SLC22A23: variants seen among roughly 807,000 people sequenced by gnomAD.
SLC22A23 encodes solute carrier family 22 member 23.
In SLC22A23, 26 loss-of-function variants were observed where a neutral mutation model predicts 61.0. The ratio of observed to expected loss-of-function variants is 0.43; its 90% CI spans 0.31 to 0.59. SLC22A23 has a LOEUF of 0.59. Among genes scored for constraint, SLC22A23 ranks in the 20% least tolerant of loss-of-function variants. The pLI, the probability that SLC22A23 is intolerant of heterozygous loss-of-function variation, is 0.11. For missense variants in SLC22A23, 796 were observed against 934.7 expected, an observed-to-expected ratio of 0.85 and a Z score of 1.94; for synonymous variants, 430 against 413.9, an observed-to-expected ratio of 1.04 and a Z score of -0.47.
At position 3,361,151 on chromosome 6, in the gene SLC22A23, G is replaced by T. The variant is rs1765417261; in HGVS notation, c.914-37149C>A. On this transcript the variant is annotated intron_variant, in intron 3 of 9. Transcript: ENST00000406686. ...CTTAGATCAGGGTTTCTCCCCCAAA[G>T]GAGCCTGCAGCAGTGTCACACAGAA... 2.7e-5 allele frequency among the ~76,000 whole-genome samples: 4 copies of T among 148,760 alleles called. No homozygotes were observed. The Admixed American group carries it at 2.7e-4, about 10-fold the overall frequency.
intron 1 of SLC22A23, among the ~76,000 whole-genome samples, chr6:3,416,782 G>A (rs1027019089): frequency 6.6e-6 from 1 of 152,222 alleles, no homozygotes; most frequent in Admixed American, 6.5e-5. Flanking sequence ...TGGTCTGGAC[G>A]CGCAACTCCA....
intron 1 of SLC22A23, among the ~76,000 whole-genome samples, chr6:3,436,362 C>T (rs889269683): frequency 3.3e-5 from 5 of 152,160 alleles, no homozygotes; most frequent in South Asian, 2.1e-4. Context: ...TCTCAAACTC[C>T]TGACCTCAGG....
intron 3 of SLC22A23, among the ~76,000 whole-genome samples, chr6:3,358,273 T>C (rs1359221361): frequency 6.9e-6 from 1 of 145,738 alleles, no homozygotes; most frequent in East Asian, 2.0e-4. Context: ...ACGTGAGCGC[T>C]CCCACGTTCA....
intron 3 of SLC22A23, among the ~76,000 whole-genome samples, chr6:3,332,713 T>G (rs985232256): frequency 3.3e-5 from 5 of 152,204 alleles, no homozygotes; most frequent in African/African-American, 1.2e-4. Flanking sequence ...TTCTTTAATA[T>G]TATTCAATAT....
intron 4 of SLC22A23, among the ~76,000 whole-genome samples, chr6:3,316,911 G>C (rs1762677398): frequency 6.6e-6 from 1 of 152,118 alleles, no homozygotes; most frequent in African/African-American, 2.4e-5. Context: ...ACCATGCCCA[G>C]CTGCAAATTT....
intron 1 of SLC22A23, among the ~76,000 whole-genome samples, chr6:3,448,393 G>T (rs1298044827): frequency 6.6e-6 from 1 of 152,228 alleles, no homozygotes; most frequent in Non-Finnish European, 1.5e-5. Flanking sequence ...GACACGTGCA[G>T]CAGGCTCAGA....
At chr6:3,363,293 A>C (rs1267941020) in intron 3 of SLC22A23, among the ~76,000 whole-genome samples, 4 of 152,350 alleles carry the variant, frequency 2.6e-5, no homozygotes, top group African/African-American at 9.6e-5. Flanking sequence ...CTCCGGCAGC[A>C]CAGCACATGT....
At chr6:3,417,373 A>C (rs1009930969) in intron 1 of SLC22A23, among the ~76,000 whole-genome samples, 11 of 152,206 alleles carry the variant, frequency 7.2e-5, no homozygotes, top group Non-Finnish European at 1.5e-4. Flanking sequence ...TGGGAATGTA[A>C]GCACAGACTG....
At chr6:3,298,754 T>C (rs1761339528) in intron 4 of SLC22A23, among the ~76,000 whole-genome samples, 2 of 151,760 alleles carry the variant, frequency 1.3e-5, no homozygotes, top group Non-Finnish European at 2.9e-5. Context: ...GGGTGGATCA[T>C]GAGGTCAGGA....
chr6:3,436,548 C>T (rs1771225104), intron 1 of SLC22A23, among the ~76,000 whole-genome samples: 1 of 152,206 alleles, frequency 6.6e-6, no homozygotes, highest in African/African-American at 2.4e-5. Flanking sequence ...TTCTCTCCTC[C>T]TAACTGAAAT....
chr6:3,369,240 T>TA (rs940106447), intron 3 of SLC22A23, among the ~76,000 whole-genome samples: 4 of 151,788 alleles, frequency 2.6e-5, no homozygotes, highest in African/African-American at 4.8e-5. Context: ...TCTAAAGGGT[T>TA]AAAAAAAATG....
chr6:3,393,776 G>A (rs1395417982), intron 3 of SLC22A23, among the ~76,000 whole-genome samples: 1 of 152,192 alleles, frequency 6.6e-6, no homozygotes, highest in Non-Finnish European at 1.5e-5. Flanking sequence ...GCTTCTCAGC[G>A]GGTAATTATT....
rs370748139 is a variant in SLC22A23, at chr6:3,296,199, G to A, written c.1210+1892C>T. ...GAAATCTGGGAAAGCCATCTGGACCGTCCAAAACGAGCAAGCATGGCCCCG... is the reference window on the plus strand; with the variant it reads ...GAAATCTGGGAAAGCCATCTGGACCATCCAAAACGAGCAAGCATGGCCCCG... On this transcript the variant is annotated intron_variant, in intron 5 of 9. Transcript: ENST00000406686. 1.0e-3 allele frequency among the ~76,000 whole-genome samples: 157 copies of A among 152,316 alleles called. 4 individuals are homozygous for A. The highest frequency in any genetic ancestry group is 3.6e-3 in the African/African-American group (150 of 41,560).
intron 3 of SLC22A23, among the ~76,000 whole-genome samples, chr6:3,385,911 AT>A (rs971129072): frequency 2.0e-5 from 3 of 152,064 alleles, no homozygotes; most frequent in African/African-American, 4.8e-5. Flanking sequence ...TGGTCATCTC[AT>A]TTTTTTTCAC....
rs539892212 is a variant in SLC22A23 at position 3,340,069 on chromosome 6, C to T, written c.914-16067G>A. On this transcript the variant is annotated intron_variant, in intron 3 of 9. Coordinates refer to ENST00000406686, the MANE Select transcript of SLC22A23 (RefSeq NM_015482.2). ...GAATACAGCTTCCCTCCTCTCCTCT[C>T]CCCACAGGGGAGGTGCTTCCTAGCC... 1.1e-4 allele frequency among the ~76,000 whole-genome samples: 17 copies of T among 152,290 alleles called. No homozygotes were observed. In the East Asian group the frequency reaches 3.3e-3, roughly 29 times the overall value.
At chr6:3,416,772 T>G (rs77485936) in intron 1 of SLC22A23, among the ~76,000 whole-genome samples, 3 of 152,212 alleles carry the variant, frequency 2.0e-5, no homozygotes, top group African/African-American at 7.2e-5. Context: ...GCAAAGCTTC[T>G]GGTCTGGACG....
At chr6:3,416,517 A>G (rs1053265994) in intron 1 of SLC22A23, among the ~76,000 whole-genome samples, 1 of 152,262 alleles carries the variant, frequency 6.6e-6, no homozygotes. Flanking sequence ...TCAGACTATT[A>G]TATTGTTTAA....
chr6:3,441,555 C>T (rs369173449), intron 1 of SLC22A23, among the ~76,000 whole-genome samples: 4 of 152,150 alleles, frequency 2.6e-5, no homozygotes, highest in Non-Finnish European at 5.9e-5. Flanking sequence ...CAAACCCAAG[C>T]CCTCCTTGGG....
rs185226129 is a variant in SLC22A23, at chr6:3,412,221, G to A, written c.759-1879C>T. 1.8e-4 allele frequency among the ~76,000 whole-genome samples: 28 copies of A among 152,216 alleles called. No homozygotes were observed. In the East Asian group the frequency reaches 3.3e-3, roughly 18 times the overall value. On this transcript the variant is annotated intron_variant, in intron 2 of 9. Transcript: ENST00000406686. ...GAAAAGATGTTCGATTTTTTTAAGC[G>A]TGCTGCCTCCCGAAAAATGGTGGCT... is the stretch of plus-strand genomic sequence containing the variant.
Sources: gnomAD v4.1 joint callset for allele counts (sites outside exome capture counted in the v4.1 genomes callset) on GRCh38, gnomAD v4.1.1 for gene constraint, MANE v1.5 for transcripts, NCBI Gene and HGNC (gene_info 2026-07-23, HGNC 2026-07-21) for gene names.